Variants in HTR3B observed in about 807,000 individuals in gnomAD.
HTR3B encodes the protein 5-hydroxytryptamine (serotonin) receptor 3B, ionotropic.
Under a neutral mutation model 42.8 loss-of-function variants are expected in HTR3B, and 44 were observed. That is an observed-to-expected ratio of 1.03 (90% CI 0.81 to 1.32). The LOEUF is 1.32. Ranked by LOEUF, HTR3B falls within the 40% of genes most tolerant of loss-of-function variation. The pLI is 0.00. For missense variants in HTR3B, 527 were observed against 536.5 expected (o/e 0.98, Z 0.17); for synonymous variants, 203 against 209.0 (o/e 0.97, Z 0.25).
intron 6 of HTR3B, among the ~76,000 whole-genome samples, chr11:113,936,849 T>C (rs1432195314): frequency 6.6e-6 from 1 of 152,088 alleles, no homozygotes; most frequent in Admixed American, 6.6e-5. Context: ...ACTGGTGGGG[T>C]CTACCATCAA....
At chr11:113,942,412 T>C (rs1465317019) in intron 6 of HTR3B, among the ~76,000 whole-genome samples, 2 of 152,110 alleles carry the variant, frequency 1.3e-5, no homozygotes. Flanking sequence ...TGAGCTGAGA[T>C]CGCGCCATTG....
intron 7 of HTR3B, among the ~76,000 whole-genome samples, chr11:113,943,901 C>T (rs1950156142): frequency 6.6e-6 from 1 of 151,676 alleles, no homozygotes; most frequent in Admixed American, 6.6e-5. Flanking sequence ...GGGAAAAAAA[C>T]AGAAGAGCAA....
rs776157170 is a variant in HTR3B at position 113,948,803 on chromosome 11, C to T, written c.*2666C>T. Reference sequence around the variant, plus strand: ...GCTTGAACCCAGGAGGTGGAGGTTGCGGTGAGCCGAGATCGTGCCATTGCA... The same window carrying T: ...GCTTGAACCCAGGAGGTGGAGGTTGTGGTGAGCCGAGATCGTGCCATTGCA... On this transcript the variant is annotated 3_prime_UTR_variant, in exon 9 of 9. Coordinates refer to ENST00000260191, the MANE Select transcript of HTR3B (RefSeq NM_006028.5). 5.3e-5 allele frequency among the ~76,000 whole-genome samples: 8 copies of T among 150,138 alleles called. No homozygotes were observed. Among genetic ancestry groups the T allele is most frequent in the South Asian group, 2.1e-4 (1 of 4,788 alleles).
intron 2 of HTR3B, among the ~76,000 whole-genome samples, chr11:113,922,062 A>G (rs143097925): frequency 6.6e-5 from 10 of 152,186 alleles, no homozygotes; most frequent in Non-Finnish European, 1.2e-4. Flanking sequence ...TCATTCTGCT[A>G]TTTCCCCTAC....
intron 2 of HTR3B, among the ~76,000 whole-genome samples, chr11:113,925,853 TTAAA>T (rs1325792530): frequency 6.6e-6 from 1 of 152,212 alleles, no homozygotes; most frequent in African/African-American, 2.4e-5. Context: ...ATACATTTTT[TTAAA>T]TAGCAGGTTT....
intron 2 of HTR3B, among the ~76,000 whole-genome samples, chr11:113,929,883 C>T (rs964839628): frequency 7.9e-5 from 12 of 152,092 alleles, no homozygotes; most frequent in East Asian, 7.7e-4. Context: ...CAGGCGCCCA[C>T]GACCACGCCC....
chr11:113,936,333 AAAGT>A (rs1433785217), intron 6 of HTR3B, among the ~76,000 whole-genome samples: 1 of 152,158 alleles, frequency 6.6e-6, no homozygotes, highest in Non-Finnish European at 1.5e-5. Context: ...CACACCAAGT[AAAGT>A]GTTTATTCGG....
intron 2 of HTR3B, among the ~76,000 whole-genome samples, chr11:113,921,211 T>C (rs144325222): frequency 0.019 from 2,880 of 150,514 alleles, 102 homozygotes; most frequent in African/African-American, 0.065. Flanking sequence ...AGTGGCACGA[T>C]CTCGGCTCAC....
rs888477846 is a variant in HTR3B at position 113,946,937 on chromosome 11, T to A, written c.*800T>A. ...AGCACAGGTTATTATTCACTTGTTG[T>A]GATTCCCATGGTCAACCTGGTACCA... On this transcript the variant is annotated 3_prime_UTR_variant, in exon 9 of 9. Coordinates refer to ENST00000260191, the MANE Select transcript of HTR3B (RefSeq NM_006028.5). Among the ~76,000 whole-genome samples, 10 of 152,196 alleles carry A rather than the reference T, an allele frequency of 6.6e-5. No homozygotes were observed. Among genetic ancestry groups the A allele is most frequent in the African/African-American group, 2.4e-4 (10 of 41,442 alleles).
intron 2 of HTR3B, among the ~76,000 whole-genome samples, chr11:113,920,320 G>T (rs538065237): frequency 6.6e-6 from 1 of 151,938 alleles, no homozygotes; most frequent in African/African-American, 2.4e-5. Context: ...GAGCCACCGC[G>T]CCTGGCCCAG....
In HTR3B at chr11:113,932,935, G is replaced by A. The variant is rs749698934; in HGVS notation, c.539-1G>A. The A allele has an allele frequency of 1.9e-6, 3 of 1,613,482 alleles. No individual in the cohort carries two copies. The highest frequency in any genetic ancestry group is 2.5e-6 in the Non-Finnish European group (3 of 1,179,784). ...AAGTCAATTGTTTGTGTTGTTTGCA[G>A]TGGAAGACGTAGACCTGGCCTTTCT... On this transcript the variant is annotated splice_acceptor_variant, in intron 5 of 8. Transcript: ENST00000260191. LOFTEE classifies it high-confidence loss of function.
intron 6 of HTR3B, among the ~76,000 whole-genome samples, chr11:113,938,214 G>A (rs1950106838): frequency 6.6e-6 from 1 of 152,046 alleles, no homozygotes; most frequent in African/African-American, 2.4e-5. Flanking sequence ...GGAAATACAT[G>A]AATTCTTGGG....
chr11:113,926,569 C>T (rs1949977813), intron 2 of HTR3B, among the ~76,000 whole-genome samples: 1 of 141,084 alleles, frequency 7.1e-6, no homozygotes, highest in African/African-American at 2.6e-5. Flanking sequence ...CACTCTGTCA[C>T]CCAGGCTGGA....
chr11:113,920,768 A>G (rs1421488803), intron 2 of HTR3B, among the ~76,000 whole-genome samples: 1 of 152,202 alleles, frequency 6.6e-6, no homozygotes, highest in African/African-American at 2.4e-5. Flanking sequence ...TCTTACTAAA[A>G]AGCCTAGTCT....
chr11:113,944,607 T>C lies in HTR3B; in HGVS notation c.942T>C (p.Val314=). 1 of 1,614,202 alleles carries C rather than the reference T, an allele frequency of 6.2e-7. No individual in the cohort carries two copies. The change falls in exon 8 of 9, where the codon GTT becomes GTC. Residue 314 remains valine, a synonymous_variant. Coordinates refer to ENST00000260191, the MANE Select transcript of HTR3B (RefSeq NM_006028.5). The part of the protein sequence containing the change: ...HFFTICMAFL[V]LSLAKSIVLV... ...TCACCATCTGCATGGCCTTCTTGGTTCTCAGCTTAGCTAAGTCCATCGTGT... is the reference window on the plus strand; with the variant it reads ...TCACCATCTGCATGGCCTTCTTGGTCCTCAGCTTAGCTAAGTCCATCGTGT...
At chr11:113,917,543 C>A (rs773121258) in intron 2 of HTR3B, among the ~76,000 whole-genome samples, 1 of 152,234 alleles carries the variant, frequency 6.6e-6, no homozygotes, top group Non-Finnish European at 1.5e-5. Context: ...GTTCTGCCAA[C>A]TTTTGCTTCA....
intron 1 of HTR3B, among the ~76,000 whole-genome samples, chr11:113,906,179 G>A (rs976836525): frequency 3.9e-5 from 6 of 152,300 alleles, no homozygotes; most frequent in Non-Finnish European, 7.4e-5. Context: ...AAATCATTCC[G>A]TGGATACTTG....
chr11:113,945,905 C>T lies in HTR3B; in HGVS notation c.1094C>T (p.Ser365Phe). The T allele has an allele frequency of 6.2e-7, 1 of 1,612,696 alleles. No homozygotes were observed. Among genetic ancestry groups the T allele is most frequent in the South Asian group, 1.1e-5 (1 of 91,048 alleles). ...PRAQRAVVTE[S>F]SLYGEHLAQP... Reference sequence around the variant, plus strand: ...GGTGTTTTCCTCCATCACACAGAGTCCTCGCTGTATGGAGAGCACCTGGCC... The same window carrying T: ...GGTGTTTTCCTCCATCACACAGAGTTCTCGCTGTATGGAGAGCACCTGGCC... The change falls in exon 9 of 9, where the codon TCC (serine) becomes TTC (phenylalanine). Residue 365 changes from serine to phenylalanine, a missense_variant. Transcript: ENST00000260191.
At chr11:113,925,864 G>T (rs913186982) in intron 2 of HTR3B, among the ~76,000 whole-genome samples, 1 of 151,918 alleles carries the variant, frequency 6.6e-6, no homozygotes, top group Non-Finnish European at 1.5e-5. Context: ...TAAATAGCAG[G>T]TTTTTTTGAG....
Sources: allele counts gnomAD v4.1 joint callset (sites outside exome capture counted in the v4.1 genomes callset), GRCh38; gene constraint gnomAD v4.1.1; transcripts MANE v1.5; gene names NCBI Gene and HGNC (gene_info 2026-07-23, HGNC 2026-07-21).